AKAP7: variants seen among roughly 807,000 people sequenced by gnomAD.
The protein encoded by AKAP7 is A-kinase anchoring protein 7.
Under a neutral mutation model 39.5 loss-of-function variants are expected in AKAP7, and 39 were observed. The ratio of observed to expected loss-of-function variants is 0.99; its 90% confidence interval spans 0.76 to 1.29. AKAP7 has a LOEUF of 1.29. AKAP7 is among the 50% of genes most tolerant of loss of function. The pLI is 0.00. For missense variants in AKAP7, 414 were observed against 407.7 expected (o/e 1.02, Z -0.13); for synonymous variants, 140 against 139.1 (o/e 1.01, Z -0.05).
At chr6:131,174,599 A>G (rs999040429) in intron 5 of AKAP7, among the ~76,000 whole-genome samples, 14 of 152,268 alleles carry the variant, frequency 9.2e-5, no homozygotes, top group Middle Eastern at 3.2e-3. Context: ...TCTCAAAAAA[A>G]GAATGCCTTA....
At chr6:131,233,771 A>G (rs557639215) in intron 7 of AKAP7, among the ~76,000 whole-genome samples, 1 of 152,322 alleles carries the variant, frequency 6.6e-6, no homozygotes, top group East Asian at 1.9e-4. Context: ...AAAAGAGCAT[A>G]TCATTTATGA....
rs1298128676 is a variant in AKAP7 at position 131,169,290 on chromosome 6, C to T, written c.589+17C>T. 6.2e-7 allele frequency: 1 copy of T among 1,611,928 alleles called. No individual in the cohort carries two copies. Among genetic ancestry groups the T allele is most frequent in the Non-Finnish European group, 8.5e-7 (1 of 1,179,300 alleles). On this transcript the variant is annotated intron_variant, in intron 5 of 7. Coordinates refer to ENST00000431975, the MANE Select transcript of AKAP7 (RefSeq NM_016377.4). ...AGATAGCAGGTAAAACAGCAACACA[C>T]TCATATGAAATCTTGTCTGTTGGAG...
chr6:131,254,432 T>G (rs557636766), intron 7 of AKAP7, among the ~76,000 whole-genome samples: 52 of 152,252 alleles, frequency 3.4e-4, no homozygotes, highest in Middle Eastern at 3.2e-3. Context: ...TATGGACCAC[T>G]CTGGGTTATC....
chr6:131,191,120 G>A (rs946329949), intron 5 of AKAP7, among the ~76,000 whole-genome samples: 2 of 152,114 alleles, frequency 1.3e-5, no homozygotes, highest in Admixed American at 6.5e-5. Context: ...GCAAATATTC[G>A]AAGACTTGGA....
chr6:131,188,110 A>T (rs1004684821), intron 5 of AKAP7, among the ~76,000 whole-genome samples: 1 of 152,228 alleles, frequency 6.6e-6, no homozygotes, highest in African/African-American at 2.4e-5. Flanking sequence ...GCTTTTAAGA[A>T]TGACACTTAA....
intron 2 of AKAP7, among the ~76,000 whole-genome samples, chr6:131,145,808 C>A (rs2128227589): frequency 6.6e-6 from 1 of 152,250 alleles, no homozygotes. Flanking sequence ...CCTGCCTTGG[C>A]CTCCAAAAGT....
intron 7 of AKAP7, chr6:131,250,129 G>GT (rs1812319531): frequency 3.3e-5 from 32 of 975,468 alleles, no homozygotes; most frequent in Non-Finnish European, 3.8e-5. Context: ...AGAAAATATG[G>GT]TTTTTTTGGG....
chr6:131,239,889 A>C (rs1182445885), intron 7 of AKAP7, among the ~76,000 whole-genome samples: 1 of 152,048 alleles, frequency 6.6e-6, no homozygotes, highest in South Asian at 2.1e-4. Context: ...GATCGTCTGA[A>C]GCCTTCTTCT....
intron 7 of AKAP7, among the ~76,000 whole-genome samples, chr6:131,267,115 A>G (rs945483963): frequency 5.9e-5 from 9 of 152,210 alleles, no homozygotes; most frequent in Non-Finnish European, 8.8e-5. Flanking sequence ...TTGCAGAGCT[A>G]ATTTTGAATA....
chr6:131,211,491 C>T (rs750383906), intron 6 of AKAP7, among the ~76,000 whole-genome samples: 3 of 151,830 alleles, frequency 2.0e-5, no homozygotes, highest in East Asian at 1.9e-4. Flanking sequence ...TCCAGATGGG[C>T]GCGGTGGCTC....
chr6:131,226,102 G>T (rs1810136538), intron 7 of AKAP7, among the ~76,000 whole-genome samples: 1 of 152,180 alleles, frequency 6.6e-6, no homozygotes, highest in Non-Finnish European at 1.5e-5. Context: ...GGAGTAATAG[G>T]CATTGTGACC....
intron 6 of AKAP7, among the ~76,000 whole-genome samples, chr6:131,206,424 C>G (rs1808101361): frequency 6.6e-6 from 1 of 151,920 alleles, no homozygotes; most frequent in South Asian, 2.1e-4. Context: ...ATTCAAGATG[C>G]AAAAAGTAAG....
chr6:131,155,021 T>C (rs868152280), intron 2 of AKAP7, among the ~76,000 whole-genome samples: 6 of 310 alleles, frequency 0.019, no homozygotes, highest in Middle Eastern at 0.25. Flanking sequence ...AAGATAGTAT[T>C]TTTTTTTTTT....
At chr6:131,184,791 C>G in intron 5 of AKAP7, 1 of 1,427,584 alleles carries the variant, frequency 7.0e-7, no homozygotes, top group Non-Finnish European at 9.9e-7. Flanking sequence ...CCTCGCCCTC[C>G]TCAGCCAAGT....
chr6:131,154,468 G>GTTTTTTTTTTTTTTTTT (rs58715551), intron 2 of AKAP7, among the ~76,000 whole-genome samples: 7 of 112,542 alleles, frequency 6.2e-5, no homozygotes, highest in South Asian at 3.2e-4. Context: ...CCCTGTCCCT[G>GTTTTTTTTTTTTTTTTT]TTTTTTTTTT....
rs79750126 is a variant in AKAP7 at position 131,253,357 on chromosome 6, T to C, written c.851-28173T>C. Among the ~76,000 whole-genome samples the C allele has an allele frequency of 8.3e-3, 1,268 of 152,284 alleles. 21 individuals carry two copies. Among genetic ancestry groups the C allele is most frequent in the African/African-American group, 0.029 (1,212 of 41,554 alleles). The stretch of plus-strand genomic sequence containing the variant: ...AATTGATACATAATCGTTGTACATA[T>C]TTATGGGGCATGTGATATTTTGGTA... On this transcript the variant is annotated intron_variant, in intron 7 of 7. Transcript: ENST00000431975.
chr6:131,244,688 A>G (rs1324913221), intron 7 of AKAP7, among the ~76,000 whole-genome samples: 1 of 152,250 alleles, frequency 6.6e-6, no homozygotes, highest in African/African-American at 2.4e-5. Flanking sequence ...GCAGAAATGC[A>G]TCAGCAGAGA....
Position 131,239,639 on chromosome 6 carries a change from C to T in AKAP7, c.850+19831C>T, listed in dbSNP as rs552645911. Among the ~76,000 whole-genome samples the T allele has an allele frequency of 2.0e-4, 31 of 152,278 alleles. 1 individual carries two copies. Among genetic ancestry groups the T allele is most frequent in the Middle Eastern group, 3.4e-3 (1 of 294 alleles). ...TCTTTTTTCTCTAAACTTCTCTTCT[C>T]GCTTCATTTCATTCATTTGATCTTC... is the stretch of plus-strand genomic sequence containing the variant. On this transcript the variant is annotated intron_variant, in intron 7 of 7. Transcript: ENST00000431975.
rs890702319 is a variant in AKAP7, at chr6:131,163,619, G to A, written c.292-1462G>A. On this transcript the variant is annotated intron_variant, in intron 3 of 7. Coordinates refer to ENST00000431975, the MANE Select transcript of AKAP7 (RefSeq NM_016377.4). ...ATTTTAAACACATTCTTAGAAGTTC[G>A]GAATTCTTTATTAGTGGAAAATCTT... Among the ~76,000 whole-genome samples, 4 of 151,992 alleles carry A rather than the reference G, an allele frequency of 2.6e-5. No individual in the cohort carries two copies. In the East Asian group the frequency reaches 5.8e-4, roughly 22 times the overall value.
Sources: allele counts gnomAD v4.1 joint callset (sites outside exome capture counted in the v4.1 genomes callset), GRCh38; gene constraint gnomAD v4.1.1; transcripts MANE v1.5; gene names NCBI Gene and HGNC (gene_info 2026-07-23, HGNC 2026-07-21).